CTNND2: variants seen among roughly 807,000 people sequenced by gnomAD.
CTNND2 encodes catenin delta 2.
CTNND2 carries 22 observed loss-of-function variants against 144.4 expected under a neutral mutation model. The observed-to-expected ratio is 0.15, with a 90% CI of 0.11 to 0.22. The LOEUF is 0.22. Among genes scored for constraint, CTNND2 ranks in the 10% least tolerant of loss-of-function variants. The pLI is 1.00. For missense variants in CTNND2, 1,353 were observed against 1,618.8 expected (o/e 0.84, Z 2.82); for synonymous variants, 751 against 695.6 (o/e 1.08, Z -1.25).
At chr5:11,403,701 T>C (rs753431930) in intron 5 of CTNND2, among the ~76,000 whole-genome samples, 7 of 152,364 alleles carry the variant, frequency 4.6e-5, no homozygotes, top group Non-Finnish European at 8.8e-5. Flanking sequence ...GGATCTGATA[T>C]ATTCGTATTT....
chr5:11,248,995 A>G (rs572033317), intron 9 of CTNND2, among the ~76,000 whole-genome samples: 1 of 152,338 alleles, frequency 6.6e-6, no homozygotes, highest in African/African-American at 2.4e-5. Context: ...GAATCTAACA[A>G]AATGTGGTCT....
At chr5:11,233,745 T>C (rs1287835486) in intron 10 of CTNND2, among the ~76,000 whole-genome samples, 1 of 151,968 alleles carries the variant, frequency 6.6e-6, no homozygotes, top group Non-Finnish European at 1.5e-5. Context: ...TGTGTGTGTG[T>C]GTATGTGTAT....
intron 1 of CTNND2, among the ~76,000 whole-genome samples, chr5:11,808,525 A>G (rs1226648954): frequency 6.6e-6 from 1 of 152,324 alleles, no homozygotes; most frequent in East Asian, 1.9e-4. Flanking sequence ...GTTTCATGCC[A>G]ACTGCTCTGA....
At chr5:11,148,925 C>T (rs1181179176) in intron 12 of CTNND2, among the ~76,000 whole-genome samples, 2 of 152,226 alleles carry the variant, frequency 1.3e-5, no homozygotes, top group Non-Finnish European at 2.9e-5. Context: ...TCTATTTCAG[C>T]TGCTTAGGAG....
chr5:11,695,643 G>A (rs1264912188), intron 2 of CTNND2, among the ~76,000 whole-genome samples: 1 of 152,144 alleles, frequency 6.6e-6, no homozygotes, highest in Non-Finnish European at 1.5e-5. Flanking sequence ...CACTAATGAA[G>A]AACACTATGC....
At chr5:11,638,708 G>C (rs1954852899) in intron 2 of CTNND2, among the ~76,000 whole-genome samples, 1 of 152,016 alleles carries the variant, frequency 6.6e-6, no homozygotes, top group African/African-American at 2.4e-5. Flanking sequence ...CCAGTAGCTG[G>C]AACTACAGGT....
chr5:11,615,680 T>A (rs992557996), intron 2 of CTNND2, among the ~76,000 whole-genome samples: 1 of 152,196 alleles, frequency 6.6e-6, no homozygotes, highest in African/African-American at 2.4e-5. Context: ...AAACTCTATA[T>A]TCTGGCTGTT....
intron 3 of CTNND2, among the ~76,000 whole-genome samples, chr5:11,477,834 T>C (rs2149968799): frequency 1.3e-5 from 2 of 152,286 alleles, no homozygotes; most frequent in African/African-American, 4.8e-5. Flanking sequence ...TTAGAAAAGT[T>C]GGGTGGTAAA....
At chr5:11,452,063 G>A (rs993468617) in intron 3 of CTNND2, among the ~76,000 whole-genome samples, 5 of 152,132 alleles carry the variant, frequency 3.3e-5, no homozygotes, top group Admixed American at 6.5e-5. Context: ...GCTTCAGGAA[G>A]AAACTTTCTG....
chr5:11,600,757 A>T (rs73742872), intron 2 of CTNND2, among the ~76,000 whole-genome samples: 6,729 of 151,736 alleles, frequency 0.044, 508 homozygotes, highest in African/African-American at 0.16. Context: ...TTGTATTTCA[A>T]AATTATTGGG....
intron 10 of CTNND2, among the ~76,000 whole-genome samples, chr5:11,233,716 C>CTGTGCGTGTGTGTG (rs1741299496): frequency 6.7e-6 from 1 of 148,236 alleles, no homozygotes; most frequent in African/African-American, 2.5e-5. Flanking sequence ...GTTTACGTGT[C>CTGTGCGTGTGTGTG]TGTGTGTGTG....
rs568144692 is a variant in CTNND2 at position 11,838,195 on chromosome 5, G to A, written c.37+65622C>T. ...GAGATGTTTCTCTCTCCTTCCCAGG[G>A]AATTTCCTAATTCTCCACATTCAGG... is the stretch of plus-strand genomic sequence containing the variant. On this transcript the variant is annotated intron_variant, in intron 1 of 21. Coordinates refer to ENST00000304623, the MANE Select transcript of CTNND2 (RefSeq NM_001332.4). Among the ~76,000 whole-genome samples the A allele has an allele frequency of 7.0e-4, 107 of 152,206 alleles. 1 individual carries two copies. The highest frequency in any genetic ancestry group is 1.1e-3 in the Non-Finnish European group (72 of 68,020).
intron 3 of CTNND2, among the ~76,000 whole-genome samples, chr5:11,542,582 G>A (rs1305462178): frequency 6.6e-6 from 1 of 152,168 alleles, no homozygotes. Context: ...AGAAGGTGGT[G>A]AAATGATGTA....
intron 2 of CTNND2, among the ~76,000 whole-genome samples, chr5:11,676,355 G>C (rs894333341): frequency 1.3e-5 from 2 of 152,014 alleles, no homozygotes; most frequent in Non-Finnish European, 2.9e-5. Flanking sequence ...TCCTGGTAGT[G>C]ATTTACACGT....
chr5:11,400,266 T>C (rs1294845036), intron 5 of CTNND2, among the ~76,000 whole-genome samples: 1 of 152,186 alleles, frequency 6.6e-6, no homozygotes, highest in Non-Finnish European at 1.5e-5. Flanking sequence ...AGAAAGAAGC[T>C]GGACCCTAAC....
intron 2 of CTNND2, among the ~76,000 whole-genome samples, chr5:11,592,580 G>A (rs142775369): frequency 0.011 from 1,713 of 151,586 alleles, 24 homozygotes; most frequent in African/African-American, 0.04. Context: ...ATGCAAAAAT[G>A]TTTACTCTTG....
chr5:11,065,938 T>C (rs1016734464), intron 16 of CTNND2, among the ~76,000 whole-genome samples: 1 of 152,088 alleles, frequency 6.6e-6, no homozygotes, highest in African/African-American at 2.4e-5. Context: ...TAACTGAGAG[T>C]CTAGCACCCT....
At chr5:11,662,656 A>AC (rs1433802231) in intron 2 of CTNND2, among the ~76,000 whole-genome samples, 2 of 152,066 alleles carry the variant, frequency 1.3e-5, no homozygotes, top group African/African-American at 4.8e-5. Context: ...AATACCTTAC[A>AC]TCCTTCGATC....
intron 1 of CTNND2, among the ~76,000 whole-genome samples, chr5:11,765,730 A>C (rs1789547182): frequency 6.6e-6 from 1 of 152,194 alleles, no homozygotes; most frequent in Non-Finnish European, 1.5e-5. Flanking sequence ...TTGGAGATGC[A>C]AGGAATTCAC....
Sources: allele counts gnomAD v4.1 joint callset (sites outside exome capture counted in the v4.1 genomes callset), GRCh38; gene constraint gnomAD v4.1.1; transcripts MANE v1.5; gene names NCBI Gene and HGNC (gene_info 2026-07-23, HGNC 2026-07-21).